Variants in FER1L6 observed in about 807,000 individuals in gnomAD.
FER1L6 encodes fer-1 like family member 6, also known as fer-1-like protein 6.
In FER1L6, 177 loss-of-function variants were observed where a neutral mutation model predicts 219.2. The ratio of observed to expected loss-of-function variants is 0.81; its 90% CI spans 0.71 to 0.91. The LOEUF is 0.91. Ranked by LOEUF, FER1L6 falls within the 40% of genes least tolerant of loss-of-function variation. The pLI is 0.00. For synonymous variants in FER1L6, 768 were observed against 824.3 expected, an observed-to-expected ratio of 0.93 and a Z score of 1.17; for missense variants, 2,153 against 2,259.9, an observed-to-expected ratio of 0.95 and a Z score of 0.96.
At chr8:123,918,475 T>A (rs78663769) in intron 1 of FER1L6, among the ~76,000 whole-genome samples, 3,701 of 152,288 alleles carry the variant, frequency 0.024, 148 homozygotes, top group African/African-American at 0.084. Context: ...CTATGTGCAA[T>A]CGCATCCTCA....
At chr8:124,079,911 A>AC (rs1291021031) in intron 32 of FER1L6, among the ~76,000 whole-genome samples, 3 of 151,608 alleles carry the variant, frequency 2.0e-5, no homozygotes, top group Non-Finnish European at 4.4e-5. Flanking sequence ...TTCTGTTGTC[A>AC]CCCCTCCCCA....
At chr8:123,857,754 G>A (rs1402507189) in intron 1 of FER1L6, among the ~76,000 whole-genome samples, 2 of 152,130 alleles carry the variant, frequency 1.3e-5, no homozygotes, top group Non-Finnish European at 2.9e-5. Context: ...CCCTCAGCCA[G>A]CAGGTTCTTG....
intron 1 of FER1L6, 124 bp from the exon 2 acceptor site, chr8:123,955,868 C>T: frequency 3.6e-6 from 3 of 830,016 alleles, no homozygotes; most frequent in South Asian, 3.4e-5. Flanking sequence ...CTTTTGCCCT[C>T]ATCCTGGGTG....
chr8:124,090,949 T>C (rs796715625), intron 33 of FER1L6, among the ~76,000 whole-genome samples: 6 of 152,160 alleles, frequency 3.9e-5, no homozygotes, highest in African/African-American at 1.4e-4. Context: ...TAAACAAATA[T>C]AACCTGCAAA....
At chr8:123,885,613 G>T (rs2129678172) in intron 1 of FER1L6, among the ~76,000 whole-genome samples, 1 of 152,292 alleles carries the variant, frequency 6.6e-6, no homozygotes, top group South Asian at 2.1e-4. Context: ...TTTCACAGAT[G>T]AGGAAACTGA....
intron 3 of FER1L6, 108 bp downstream of exon 3, chr8:123,963,506 T>C (rs548001610): frequency 1.5e-6 from 2 of 1,323,702 alleles, no homozygotes; most frequent in Admixed American, 2.0e-5. Context: ...ATAGTCACTG[T>C]CTACAGGCAG....
intron 33 of FER1L6, among the ~76,000 whole-genome samples, chr8:124,089,355 T>C (rs1329103508): frequency 6.6e-6 from 1 of 152,214 alleles, no homozygotes; most frequent in Non-Finnish European, 1.5e-5. Context: ...ACAGATCCTC[T>C]CTCCATGCTA....
chr8:124,087,688 A>T (rs966546082), intron 33 of FER1L6, among the ~76,000 whole-genome samples: 7 of 152,114 alleles, frequency 4.6e-5, no homozygotes, highest in African/African-American at 1.7e-4. Context: ...TAGTCTTTGC[A>T]GTCTGCGCTT....
At chr8:123,980,139 T>A (rs112376452) in intron 10 of FER1L6, among the ~76,000 whole-genome samples, 3 of 152,206 alleles carry the variant, frequency 2.0e-5, no homozygotes, top group African/African-American at 7.2e-5. Context: ...GCAGGCTCTG[T>A]TTAGTATCTA....
intron 12 of FER1L6, among the ~76,000 whole-genome samples, chr8:123,998,377 T>A (rs1407351957): frequency 1.2e-5 from 1 of 86,358 alleles, no homozygotes; most frequent in Non-Finnish European, 2.2e-5. Context: ...AGGGAAACTC[T>A]CTCTCTCTCT....
chr8:124,020,337 G>A (rs1818405214), intron 16 of FER1L6, among the ~76,000 whole-genome samples: 2 of 152,114 alleles, frequency 1.3e-5, no homozygotes, highest in African/African-American at 4.8e-5. Context: ...CTAATACACC[G>A]GCTTTAGGAT....
At chr8:124,038,364 T>C (rs1161973156) in intron 19 of FER1L6, among the ~76,000 whole-genome samples, 1 of 152,238 alleles carries the variant, frequency 6.6e-6, no homozygotes, top group Non-Finnish European at 1.5e-5. Context: ...TGTATAGTAC[T>C]GTCTCCTATC....
intron 38 of FER1L6, among the ~76,000 whole-genome samples, chr8:124,101,967 G>C (rs1224084342): frequency 6.6e-6 from 1 of 152,116 alleles, no homozygotes; most frequent in East Asian, 1.9e-4. Flanking sequence ...TTTTCCAATT[G>C]GAAATTGGTT....
At chr8:123,995,999 T>C (rs539041691) in intron 12 of FER1L6, among the ~76,000 whole-genome samples, 1 of 152,334 alleles carries the variant, frequency 6.6e-6, no homozygotes, top group African/African-American at 2.4e-5. Flanking sequence ...TCTAGTCTTA[T>C]TCTATTGTAA....
In FER1L6 at chr8:124,076,319, T is replaced by C; in HGVS notation, c.4214T>C (p.Phe1405Ser). The C allele has an allele frequency of 6.2e-7, 1 of 1,613,756 alleles. No homozygotes were observed. Among genetic ancestry groups the C allele is most frequent in the African/African-American group, 1.3e-5 (1 of 75,038 alleles). Reference sequence around the variant, plus strand: ...ATCCCTAAACAACTGAACCCAGTATTTGGAAGGTCAGTGGCCATCTGGGCT... The same window carrying C: ...ATCCCTAAACAACTGAACCCAGTATCTGGAAGGTCAGTGGCCATCTGGGCT... Reference protein sequence around the residue: ...KYIPKQLNPVFGRSFEIQATF... With the variant: ...KYIPKQLNPVSGRSFEIQATF... The change falls in exon 32 of 41, where the codon TTT becomes TCT. Residue 1405 changes from phenylalanine to serine, a missense_variant. Transcript: ENST00000522917.
chr8:124,013,505 G>C lies in FER1L6; in HGVS notation c.1896G>C (p.Val632=). 6.2e-7 allele frequency: 1 copy of C among 1,609,656 alleles called. No individual in the cohort carries two copies. The highest frequency in any genetic ancestry group is 8.5e-7 in the Non-Finnish European group (1 of 1,178,698). Residue 632 remains valine (V), a synonymous_variant, in exon 15 of 41, where the codon GTG becomes GTC. Coordinates refer to ENST00000522917, the MANE Select transcript of FER1L6 (RefSeq NM_001039112.2). ...CACCTGAAGAGAAAATGAAAACAGT[G>C]CTCAGTGACTTCATCAGTCGGAGCA... is the stretch of plus-strand genomic sequence containing the variant. ...QEAPEEKMKT[V]LSDFISRSSA... is the part of the protein sequence containing the mutation.
chr8:124,034,279 G>T (rs1819105094), intron 18 of FER1L6, among the ~76,000 whole-genome samples: 1 of 152,192 alleles, frequency 6.6e-6, no homozygotes, highest in African/African-American at 2.4e-5. Context: ...GTTACTCTCA[G>T]AATGATGGCC....
chr8:123,993,983 C>T (rs982883855), intron 12 of FER1L6, among the ~76,000 whole-genome samples: 2 of 152,202 alleles, frequency 1.3e-5, no homozygotes, highest in African/African-American at 2.4e-5. Context: ...GACTTAGGAC[C>T]TCCTGTTTAT....
chr8:123,972,107 G>C (rs1815847888), intron 6 of FER1L6, among the ~76,000 whole-genome samples: 1 of 152,244 alleles, frequency 6.6e-6, no homozygotes, highest in Non-Finnish European at 1.5e-5. Context: ...GGATTTTGGA[G>C]TGAACATTAT....
Sources: allele counts gnomAD v4.1 joint callset (sites outside exome capture counted in the v4.1 genomes callset), GRCh38; gene constraint gnomAD v4.1.1; transcripts MANE v1.5; gene names NCBI Gene and HGNC (gene_info 2026-07-23, HGNC 2026-07-21).